Variants in FSTL5 observed in about 807,000 individuals in gnomAD.
FSTL5 encodes follistatin like 5, also known as follistatin-related protein 5.
A neutral mutation model predicts 89.1 loss-of-function variants in FSTL5; 62 were observed. That is an observed-to-expected ratio of 0.70 (90% CI 0.57 to 0.86). The LOEUF is 0.86. FSTL5 is among the 40% of genes least tolerant of loss of function. The pLI, the probability that FSTL5 is intolerant of heterozygous loss-of-function variation, is 0.00. For missense variants in FSTL5, 1,057 were observed against 1,001.6 expected, an observed-to-expected ratio of 1.06 and a Z score of -0.75; for synonymous variants, 383 against 346.2, an observed-to-expected ratio of 1.11 and a Z score of -1.18.
intron 4 of FSTL5, among the ~76,000 whole-genome samples, chr4:161,793,436 AT>A (rs1267436013): frequency 5.3e-5 from 8 of 152,202 alleles, no homozygotes; most frequent in South Asian, 2.1e-4. Context: ...AGAAATTAAT[AT>A]TTTATGTAAA....
At chr4:161,997,480 T>C (rs1736328782) in intron 3 of FSTL5, among the ~76,000 whole-genome samples, 1 of 152,210 alleles carries the variant, frequency 6.6e-6, no homozygotes, top group Non-Finnish European at 1.5e-5. Flanking sequence ...ATTTACTCTA[T>C]ATATGCACTT....
At position 161,827,915 on chromosome 4, in the gene FSTL5, G is replaced by A. The variant is rs11730948; in HGVS notation, c.410-51841C>T. 2.5e-3 allele frequency among the ~76,000 whole-genome samples: 383 copies of A among 152,220 alleles called. 3 individuals carry two copies. The highest frequency in any genetic ancestry group is 0.014 in the Middle Eastern group (4 of 294). On this transcript the variant is annotated intron_variant, in intron 4 of 15. Coordinates refer to ENST00000306100, the MANE Select transcript of FSTL5 (RefSeq NM_020116.5). ...CAGATTTCGTACCACCCTGCCTGCC[G>A]CAGCTTCTGTGCTGTGTCTACACTC...
chr4:161,866,491 T>C (rs1365762158), intron 4 of FSTL5, among the ~76,000 whole-genome samples: 1 of 150,998 alleles, frequency 6.6e-6, no homozygotes, highest in Non-Finnish European at 1.5e-5. Flanking sequence ...TGTGTGTGTG[T>C]GTGTGTGTGT....
chr4:161,726,910 AAAATAT>A (rs757586234), intron 6 of FSTL5, among the ~76,000 whole-genome samples: 49 of 143,600 alleles, frequency 3.4e-4, no homozygotes, highest in Non-Finnish European at 4.9e-4. Flanking sequence ...GCAAAAAAAA[AAAATAT>A]ATATATATAT....
At chr4:161,811,468 A>T (rs1730144556) in intron 4 of FSTL5, among the ~76,000 whole-genome samples, 1 of 152,150 alleles carries the variant, frequency 6.6e-6, no homozygotes, top group African/African-American at 2.4e-5. Context: ...ATCAAAATTG[A>T]ATCTAAATTT....
intron 4 of FSTL5, among the ~76,000 whole-genome samples, chr4:161,902,234 C>T (rs1489928736): frequency 6.6e-6 from 1 of 152,036 alleles, no homozygotes; most frequent in Admixed American, 6.5e-5. Context: ...TATATTATAC[C>T]TAATCTATCA....
At chr4:161,798,725 G>A (rs570020693) in intron 4 of FSTL5, among the ~76,000 whole-genome samples, 2 of 151,402 alleles carry the variant, frequency 1.3e-5, no homozygotes, top group Non-Finnish European at 3.0e-5. Context: ...TCTGGTGATA[G>A]GACCCATTTG....
chr4:161,865,594 T>G (rs1195492773), intron 4 of FSTL5, among the ~76,000 whole-genome samples: 2 of 152,184 alleles, frequency 1.3e-5, no homozygotes, highest in African/African-American at 2.4e-5. Flanking sequence ...AGTGAAATAT[T>G]ACCTTGTTAC....
At chr4:161,493,114 C>T (rs115718092) in intron 12 of FSTL5, among the ~76,000 whole-genome samples, 3,125 of 151,518 alleles carry the variant, frequency 0.021, 47 homozygotes, top group Non-Finnish European at 0.033. Context: ...AGCCAGTGTT[C>T]AGAAACTTAT....
intron 11 of FSTL5, among the ~76,000 whole-genome samples, chr4:161,505,850 A>C (rs1222322954): frequency 6.6e-6 from 1 of 152,064 alleles, no homozygotes; most frequent in Non-Finnish European, 1.5e-5. Flanking sequence ...GCTTAGACTG[A>C]TGTAAGTTTT....
chr4:161,947,869 C>G (rs1287957335), intron 3 of FSTL5, among the ~76,000 whole-genome samples: 3 of 152,058 alleles, frequency 2.0e-5, no homozygotes, highest in Non-Finnish European at 4.4e-5. Flanking sequence ...GTGTGTCTTT[C>G]TATTTATTTA....
intron 8 of FSTL5, among the ~76,000 whole-genome samples, chr4:161,544,965 T>C (rs1288694875): frequency 1.3e-5 from 2 of 151,986 alleles, no homozygotes; most frequent in African/African-American, 4.8e-5. Flanking sequence ...ATCATTGATA[T>C]TAAAATGAGA....
intron 1 of FSTL5, among the ~76,000 whole-genome samples, chr4:162,146,646 T>C (rs1176611481): frequency 6.7e-6 from 1 of 150,366 alleles, no homozygotes; most frequent in Non-Finnish European, 1.5e-5. Context: ...TGAGTTTCTG[T>C]GTTTTTTACC....
chr4:161,593,445 T>G (rs376983754), intron 7 of FSTL5, among the ~76,000 whole-genome samples: 16 of 152,060 alleles, frequency 1.1e-4, no homozygotes, highest in African/African-American at 3.9e-4. Flanking sequence ...ATGGAGCTAT[T>G]GAATCTGACC....
At chr4:161,709,980 G>GT in intron 6 of FSTL5, among the ~76,000 whole-genome samples, 1 of 152,136 alleles carries the variant, frequency 6.6e-6, no homozygotes, top group East Asian at 1.9e-4. Context: ...GGTGGTAGTT[G>GT]TTTTTTGAGA....
intron 7 of FSTL5, among the ~76,000 whole-genome samples, chr4:161,623,775 C>G (rs532612253): frequency 2.0e-5 from 3 of 151,714 alleles, no homozygotes; most frequent in Non-Finnish European, 4.4e-5. Context: ...AAAAGCCTAC[C>G]GCTTTTTCAT....
At chr4:161,964,848 T>C (rs77613727) in intron 3 of FSTL5, among the ~76,000 whole-genome samples, 7,812 of 152,144 alleles carry the variant, frequency 0.051, 250 homozygotes, top group Non-Finnish European at 0.076. Flanking sequence ...ACAACACATA[T>C]GGTCACAATT....
chr4:162,006,538 T>G (rs992367265), intron 3 of FSTL5, among the ~76,000 whole-genome samples: 1 of 151,912 alleles, frequency 6.6e-6, no homozygotes, highest in Non-Finnish European at 1.5e-5. Context: ...AATTTGTCAT[T>G]AATGAAAACT....
intron 7 of FSTL5, among the ~76,000 whole-genome samples, chr4:161,594,746 A>T (rs968604334): frequency 1.3e-5 from 2 of 152,006 alleles, no homozygotes; most frequent in African/African-American, 4.8e-5. Flanking sequence ...TAATCCTCTC[A>T]TCAGTTTGAA....
Sources: allele counts gnomAD v4.1 joint callset (sites outside exome capture counted in the v4.1 genomes callset), GRCh38; gene constraint gnomAD v4.1.1; transcripts MANE v1.5; gene names NCBI Gene and HGNC (gene_info 2026-07-23, HGNC 2026-07-21).